Variants in MEAF6 observed in about 807,000 individuals in gnomAD.
The protein encoded by MEAF6 is MYST/Esa1 associated factor 6, also known as chromatin modification-related protein MEAF6.
Under a neutral mutation model 28.9 loss-of-function variants are expected in MEAF6, and 15 were observed. The ratio of observed to expected loss-of-function variants is 0.52; its 90% CI spans 0.35 to 0.80. The LOEUF is 0.80. MEAF6 is among the 30% of genes least tolerant of loss of function. MEAF6 has a pLI of 0.01. For missense variants in MEAF6, 178 were observed against 237.5 expected (o/e 0.75, Z 1.65); for synonymous variants, 97 against 88.7 (o/e 1.09, Z -0.53).
rs1434612362 is a variant in MEAF6 at position 37,495,972 on chromosome 1, C to G, written c.534-54G>C. 165 of 1,461,714 alleles carry G rather than the reference C, an allele frequency of 1.1e-4. 3 individuals are homozygous for G. In the South Asian group the frequency reaches 1.7e-3, roughly 15 times the overall value. The allele number at this position is 1,461,714 out of a possible 1,614,324, so 90.5% of individuals were successfully genotyped here. A position where few individuals can be genotyped will look rare whatever the true frequency, so the allele number is the denominator to read the frequency against. On this transcript the variant is annotated intron_variant, in intron 5 of 6. Coordinates refer to ENST00000296214, the MANE Select transcript of MEAF6 (RefSeq NM_001270875.3). The stretch of plus-strand genomic sequence containing the variant: ...CATTTTAATTTACAGAAAATGGGTC[C>G]CACAATCAGCTACTGCATAGGGCAT...
At chr1:37,494,448 G>A (rs1642044923) in intron 6 of MEAF6, among the ~76,000 whole-genome samples, 1 of 148,788 alleles carries the variant, frequency 6.7e-6, no homozygotes, top group South Asian at 2.1e-4. Context: ...CTGGAAGGCG[G>A]AGGTTGCAGT....
At chr1:37,502,059 T>G in intron 4 of MEAF6, 63 bp from the exon 5 acceptor site, 1 of 1,401,782 alleles carries the variant, frequency 7.1e-7, no homozygotes, top group Non-Finnish European at 9.7e-7. Flanking sequence ...AATCTGTCCA[T>G]CAACATGAAC....
At chr1:37,502,405 A>T (rs180747212) in intron 4 of MEAF6, among the ~76,000 whole-genome samples, 1 of 152,112 alleles carries the variant, frequency 6.6e-6, no homozygotes, top group East Asian at 1.9e-4. Flanking sequence ...ATGTTTACAC[A>T]AGTTGTTATT....
chr1:37,510,565 A>G (rs1642636521), intron 2 of MEAF6, among the ~76,000 whole-genome samples: 1 of 150,752 alleles, frequency 6.6e-6, no homozygotes. Flanking sequence ...TATTTTTAGT[A>G]GAGACAGGGT....
Position 37,492,560 on chromosome 1 carries a change from CAAA to C in MEAF6, c.*1536_*1538del, listed in dbSNP as rs35527783. The C allele has an allele frequency of 2.2e-4, 16 of 73,088 alleles. No individual in the cohort carries two copies. The highest frequency in any genetic ancestry group is 6.7e-4 in the East Asian group (2 of 2,974). The allele number at this position is 73,088 out of a possible 1,614,324, so 4.5% of individuals were successfully genotyped here. ...AGTCAAAGATCTAAATAGCCAGAGT[CAAA>C]AAAAAAAAAAAAAAAAAACCCACAA... On this transcript the variant is annotated 3_prime_UTR_variant, in exon 7 of 7. Coordinates refer to ENST00000296214, the MANE Select transcript of MEAF6 (RefSeq NM_001270875.3).
chr1:37,511,178 T>C (rs1286010413), intron 2 of MEAF6, among the ~76,000 whole-genome samples: 2 of 152,090 alleles, frequency 1.3e-5, no homozygotes, highest in Non-Finnish European at 2.9e-5. Context: ...ATGCAAAAGG[T>C]AAGTATGGGA....
In MEAF6 at chr1:37,490,122, G is replaced by A. The variant is rs1239322306; in HGVS notation, c.*3977C>T. 6.6e-6 allele frequency among the ~76,000 whole-genome samples: 1 copy of A among 151,958 alleles called. No individual in the cohort carries two copies. Among genetic ancestry groups the A allele is most frequent in the Non-Finnish European group, 1.5e-5 (1 of 68,006 alleles). On this transcript the variant is annotated 3_prime_UTR_variant, in exon 7 of 7. Transcript: ENST00000296214. ...ACTAAATAAGGCTGAGCCTCAAAAT[G>A]AATATAAATCAAAGGCCTAATCTTT...
At chr1:37,509,377 A>G in intron 3 of MEAF6, 54 bp from the exon 4 acceptor site, 1 of 1,604,802 alleles carries the variant, frequency 6.2e-7, no homozygotes, top group Non-Finnish European at 8.5e-7. Context: ...TCAGAAGAGC[A>G]CTCCCAGAGG....
intron 5 of MEAF6, chr1:37,496,432 C>A: frequency 2.2e-6 from 1 of 444,972 alleles, no homozygotes; most frequent in Admixed American, 4.5e-5. Flanking sequence ...TGAAGCAAAG[C>A]CAGAAAATCA....
chr1:37,499,095 G>T lies in MEAF6; in HGVS notation c.533+2709C>A, dbSNP rs147144456. On this transcript the variant is annotated intron_variant, in intron 5 of 6. Transcript: ENST00000296214. Reference sequence around the variant, plus strand: ...GAGCCCAGGAGGTCAAAGCTGCAATGACCCATGATCTCACCACTGCACTCC... The same window carrying T: ...GAGCCCAGGAGGTCAAAGCTGCAATTACCCATGATCTCACCACTGCACTCC... Among the ~76,000 whole-genome samples the T allele has an allele frequency of 4.1e-3, 621 of 152,044 alleles. 4 individuals are homozygous for T. The highest frequency in any genetic ancestry group is 0.014 in the African/African-American group (590 of 41,452).
intron 2 of MEAF6, among the ~76,000 whole-genome samples, chr1:37,509,803 G>GTTTATT (rs1642605740): frequency 6.6e-6 from 1 of 152,088 alleles, no homozygotes; most frequent in South Asian, 2.1e-4. Flanking sequence ...TTGAGACGGA[G>GTTTATT]TCTTGCTCTG....
chr1:37,495,091 T>C (rs1642072216), intron 6 of MEAF6, among the ~76,000 whole-genome samples: 2 of 152,000 alleles, frequency 1.3e-5, no homozygotes, highest in African/African-American at 4.8e-5. Flanking sequence ...TCCCAGCACT[T>C]TGGGAGGCTG....
At chr1:37,500,173 G>A (rs11590505) in intron 5 of MEAF6, among the ~76,000 whole-genome samples, 7,754 of 152,236 alleles carry the variant, frequency 0.051, 287 homozygotes, top group Non-Finnish European at 0.077. Context: ...GTGCACGCCT[G>A]TAATCCCAGC....
At chr1:37,497,793 T>C (rs759946500) in intron 5 of MEAF6, among the ~76,000 whole-genome samples, 5 of 152,090 alleles carry the variant, frequency 3.3e-5, no homozygotes, top group Non-Finnish European at 5.9e-5. Context: ...GGTTTCACCA[T>C]GTTGGCCAAG....
chr1:37,513,932 C>T (rs1054315146), intron 1 of MEAF6: 1 of 238,400 alleles, frequency 4.2e-6, no homozygotes, highest in Non-Finnish European at 8.1e-6. Flanking sequence ...TCGCTCCCCT[C>T]CCCGCAGGCT....
At chr1:37,513,720 G>T in intron 1 of MEAF6, 182 bp from the exon 2 acceptor site, 1 of 605,224 alleles carries the variant, frequency 1.7e-6, no homozygotes, top group East Asian at 2.7e-5. Flanking sequence ...CTAGACCTTT[G>T]GGGGTGATGG....
At chr1:37,495,942 AT>A (rs1642118790) in intron 5 of MEAF6, 24 bp from the exon 6 acceptor site, 1 of 1,608,664 alleles carries the variant, frequency 6.2e-7, no homozygotes, top group Admixed American at 1.7e-5. Context: ...GATAAAAGAT[AT>A]TTCCATTTTA....
intron 4 of MEAF6, among the ~76,000 whole-genome samples, chr1:37,506,164 G>A (rs1325929212): frequency 6.6e-6 from 1 of 151,914 alleles, no homozygotes; most frequent in Non-Finnish European, 1.5e-5. Context: ...CCAGCTACTC[G>A]AGAGGCTGAG....
rs578245567 is a variant in MEAF6, at chr1:37,493,443, T to C, written c.*656A>G. On this transcript the variant is annotated 3_prime_UTR_variant, in exon 7 of 7. Coordinates refer to ENST00000296214, the MANE Select transcript of MEAF6 (RefSeq NM_001270875.3). ...ACTACCAACTCAGAAAGATTTAAGA[T>C]AGGTAATTACTAAACACTCTTTACC... 1.3e-4 allele frequency: 42 copies of C among 312,504 alleles called. 1 individual carries two copies. The South Asian group carries it at 3.7e-3, about 27-fold the overall frequency. The allele number at this position is 312,504 out of a possible 1,614,324, so 19.4% of individuals were successfully genotyped here. A position where few individuals can be genotyped will look rare whatever the true frequency, so the allele number is the denominator to read the frequency against.
Sources: allele counts gnomAD v4.1 joint callset (sites outside exome capture counted in the v4.1 genomes callset), GRCh38; gene constraint gnomAD v4.1.1; transcripts MANE v1.5; gene names NCBI Gene and HGNC (gene_info 2026-07-23, HGNC 2026-07-21).